The following TDRD3 variants were observed in gnomAD, a reference collection of about 807,000 sequenced individuals.
The protein encoded by TDRD3 is tudor domain containing 3.
Under a neutral mutation model 86.7 loss-of-function variants are expected in TDRD3, and 45 were observed. The ratio of observed to expected loss-of-function variants is 0.52; its 90% CI spans 0.41 to 0.67. The LOEUF (loss-of-function observed/expected upper bound fraction) is 0.67, where lower values mean the gene tolerates loss of function less well. Among genes scored for constraint, TDRD3 ranks in the 30% least tolerant of loss-of-function variants. The pLI, the probability that TDRD3 is intolerant of heterozygous loss-of-function variation, is 0.00. For missense variants in TDRD3, 814 were observed against 889.0 expected, an observed-to-expected ratio of 0.92 and a Z score of 1.07; for synonymous variants, 298 against 301.7, an observed-to-expected ratio of 0.99 and a Z score of 0.13.
chr13:60,510,769 A>C lies in TDRD3; in HGVS notation c.1141+14A>C, dbSNP rs772471668. On this transcript the variant is annotated intron_variant, in intron 10 of 13. Coordinates refer to ENST00000377881, the MANE Select transcript of TDRD3 (RefSeq NM_001146070.2). Reference sequence around the variant, plus strand: ...TGAATGTGGAAGGTAAGCTAATTTAAAGTTGATTCCTTTTTTTTTCTTTCT... The same window carrying C: ...TGAATGTGGAAGGTAAGCTAATTTACAGTTGATTCCTTTTTTTTTCTTTCT... 1.0e-5 allele frequency: 16 copies of C among 1,524,548 alleles called. No individual in the cohort carries two copies. The highest frequency in any genetic ancestry group is 3.9e-5 in the South Asian group (3 of 76,048). 94.4% of individuals were successfully genotyped at this position (1,524,548 alleles called of 1,614,324 possible).
intron 12 of TDRD3, among the ~76,000 whole-genome samples, chr13:60,544,588 G>T (rs1957895819): frequency 6.6e-6 from 1 of 152,040 alleles, no homozygotes; most frequent in African/African-American, 2.4e-5. Flanking sequence ...CATTTATATT[G>T]CTCTTTTATT....
At chr13:60,435,010 A>C (rs1320221767) in intron 1 of TDRD3, among the ~76,000 whole-genome samples, 1 of 152,068 alleles carries the variant, frequency 6.6e-6, no homozygotes, top group Non-Finnish European at 1.5e-5. Context: ...TTTGTTTTTT[A>C]TCACTTGTTT....
intron 1 of TDRD3, among the ~76,000 whole-genome samples, chr13:60,423,888 CAAAA>C (rs1320886148): frequency 2.0e-5 from 3 of 151,740 alleles, no homozygotes; most frequent in Non-Finnish European, 2.9e-5. Context: ...CAAGGTAAGT[CAAAA>C]GAAAGGAAGA....
At chr13:60,397,869 T>A (rs1594883623) in intron 1 of TDRD3, among the ~76,000 whole-genome samples, 2 of 151,982 alleles carry the variant, frequency 1.3e-5, no homozygotes, top group Admixed American at 6.6e-5. Flanking sequence ...CCATAGGAAG[T>A]TGAGGGCAGA....
chr13:60,552,207 CTTA>C (rs758765200), intron 12 of TDRD3, among the ~76,000 whole-genome samples: 7 of 152,214 alleles, frequency 4.6e-5, no homozygotes, highest in Admixed American at 2.6e-4. Flanking sequence ...TCAAAAGCAA[CTTA>C]GTTACTTTCA....
At chr13:60,450,854 C>A (rs1955521399) in intron 3 of TDRD3, among the ~76,000 whole-genome samples, 2 of 152,094 alleles carry the variant, frequency 1.3e-5, no homozygotes, top group Admixed American at 1.3e-4. Context: ...TCTTGCTAGA[C>A]TGTTAGCTTT....
intron 13 of TDRD3, among the ~76,000 whole-genome samples, chr13:60,569,383 C>T (rs911541138): frequency 1.2e-4 from 18 of 152,038 alleles, no homozygotes; most frequent in African/African-American, 4.1e-4. Flanking sequence ...AAGATCTCTA[C>T]AATGAAAACT....
At chr13:60,561,893 G>C (rs1034374539) in intron 12 of TDRD3, among the ~76,000 whole-genome samples, 5 of 149,706 alleles carry the variant, frequency 3.3e-5, no homozygotes, top group African/African-American at 1.2e-4. Context: ...TGTTGTTGTT[G>C]TTTGTAGTAG....
chr13:60,476,705 C>A (rs1334673468), intron 5 of TDRD3, among the ~76,000 whole-genome samples: 1 of 151,974 alleles, frequency 6.6e-6, no homozygotes, highest in Non-Finnish European at 1.5e-5. Context: ...TGGAACGTTT[C>A]CATTTTTTTG....
rs1184021260 is a variant in TDRD3 at position 60,431,150 on chromosome 13, A to C, written c.42-8538A>C. 4.6e-5 allele frequency among the ~76,000 whole-genome samples: 7 copies of C among 152,164 alleles called. No individual in the cohort carries two copies. In the East Asian group the frequency reaches 1.2e-3, roughly 25 times the overall value. On this transcript the variant is annotated intron_variant, in intron 1 of 13. Coordinates refer to ENST00000377881, the MANE Select transcript of TDRD3 (RefSeq NM_001146070.2). ...GATCTTTATATCAAACACAAATTCA[A>C]AATTATAGTAGTCTATTTTATTTTC...
intron 12 of TDRD3, among the ~76,000 whole-genome samples, chr13:60,541,638 A>G (rs940980180): frequency 6.6e-6 from 1 of 150,558 alleles, no homozygotes; most frequent in African/African-American, 2.4e-5. Flanking sequence ...TTGTATATCC[A>G]ATATTATATA....
chr13:60,435,176 AT>A (rs1330229982), intron 1 of TDRD3, among the ~76,000 whole-genome samples: 4 of 152,178 alleles, frequency 2.6e-5, no homozygotes, highest in African/African-American at 9.6e-5. Flanking sequence ...AGAGCTGTGA[AT>A]GGGTGCCCTG....
intron 12 of TDRD3, among the ~76,000 whole-genome samples, chr13:60,540,693 T>C (rs1957789587): frequency 6.6e-6 from 1 of 152,190 alleles, no homozygotes; most frequent in Non-Finnish European, 1.5e-5. Flanking sequence ...GAAAATAATA[T>C]GCTGTTTTAA....
In TDRD3 at chr13:60,485,821, T is replaced by A; in HGVS notation, c.590T>A (p.Val197Glu). The A allele has an allele frequency of 6.2e-7, 1 of 1,604,278 alleles. No individual in the cohort carries two copies. Among genetic ancestry groups the A allele is most frequent in the South Asian group, 1.1e-5 (1 of 89,102 alleles). The change falls in exon 7 of 14, where the codon GTG (valine) becomes GAG (glutamate). Residue 197 changes from valine (V) to glutamate (E), a missense_variant. Coordinates refer to ENST00000377881, the MANE Select transcript of TDRD3 (RefSeq NM_001146070.2). ...TAGAAGTGTGTATCTCATGTCCAAG[T>A]GGATAGCAGAGAACTTGATCGAAGA... ...FGQKCVSHVQ[V>E]DSRELDRRKT... is the part of the protein sequence containing the mutation.
intron 5 of TDRD3, among the ~76,000 whole-genome samples, chr13:60,470,669 T>A (rs1164534830): frequency 6.6e-6 from 1 of 150,558 alleles, no homozygotes; most frequent in Admixed American, 6.7e-5. Flanking sequence ...CTGCAACCTC[T>A]GCCTCCCAGG....
intron 12 of TDRD3, among the ~76,000 whole-genome samples, chr13:60,554,302 T>G (rs1346832781): frequency 6.6e-6 from 1 of 152,242 alleles, no homozygotes; most frequent in Non-Finnish European, 1.5e-5. Flanking sequence ...TGAATTTGAC[T>G]ATTGTATCAT....
intron 8 of TDRD3, chr13:60,509,538 G>T: frequency 2.0e-6 from 1 of 496,026 alleles, no homozygotes; most frequent in Non-Finnish European, 3.6e-6. Context: ...TGTTGCTTTT[G>T]CAGTGTTACT....
intron 7 of TDRD3, among the ~76,000 whole-genome samples, chr13:60,492,098 G>C (rs1956600961): frequency 6.6e-6 from 1 of 152,090 alleles, no homozygotes; most frequent in Non-Finnish European, 1.5e-5. Flanking sequence ...TGAGTGAGTA[G>C]TAACTATTTT....
chr13:60,420,993 A>T (rs886435242), intron 1 of TDRD3, among the ~76,000 whole-genome samples: 5 of 152,130 alleles, frequency 3.3e-5, no homozygotes, highest in African/African-American at 1.2e-4. Flanking sequence ...ATATTGTTTT[A>T]TTATTCTATT....
Sources: allele counts gnomAD v4.1 joint callset (sites outside exome capture counted in the v4.1 genomes callset), GRCh38; gene constraint gnomAD v4.1.1; transcripts MANE v1.5; gene names NCBI Gene and HGNC (gene_info 2026-07-23, HGNC 2026-07-21).